MAF: variants seen among roughly 807,000 people sequenced by gnomAD.
MAF encodes the protein MAF bZIP transcription factor.
Under a neutral mutation model 22.0 loss-of-function variants are expected in MAF, and 10 were observed. That is an observed-to-expected ratio of 0.45 (90% confidence interval 0.28 to 0.77). MAF has a LOEUF of 0.77. Ranked by LOEUF, MAF falls within the 30% of genes least tolerant of loss-of-function variation. MAF has a pLI of 0.12. For synonymous variants in MAF, 337 were observed against 255.8 expected (o/e 1.32, Z -3.03); for missense variants, 544 against 548.4 (o/e 0.99, Z 0.08).
chr16:79,448,878 T>TG, the MAF span, among the ~76,000 whole-genome samples: 4 of 152,082 alleles, frequency 2.6e-5, no homozygotes, highest in East Asian at 3.9e-4. Flanking sequence ...TCCCAGACCT[T>TG]GGGGGGAGGC....
the MAF span, among the ~76,000 whole-genome samples, chr16:79,316,558 G>T: frequency 1.3e-5 from 2 of 151,778 alleles, no homozygotes; most frequent in Non-Finnish European, 2.9e-5. Context: ...TTTTTTTTCA[G>T]CATGCAATTA....
the MAF span, among the ~76,000 whole-genome samples, chr16:79,239,385 T>C: frequency 6.6e-6 from 1 of 151,878 alleles, no homozygotes; most frequent in Non-Finnish European, 1.5e-5. Context: ...CCCGGGCAAG[T>C]TGGAATGAGT....
chr16:79,450,837 A>AT, the MAF span, among the ~76,000 whole-genome samples: 136 of 150,324 alleles, frequency 9.0e-4, no homozygotes, highest in African/African-American at 2.2e-3. Context: ...ACATTTTTAC[A>AT]TTTTTTTTTT....
the MAF span, among the ~76,000 whole-genome samples, chr16:79,377,998 C>T: frequency 1.3e-5 from 2 of 152,118 alleles, no homozygotes; most frequent in Non-Finnish European, 1.5e-5. Flanking sequence ...TTAGGATTGA[C>T]TTGGTGATGA....
At chr16:79,513,437 G>T in the MAF span, among the ~76,000 whole-genome samples, 3 of 152,202 alleles carry the variant, frequency 2.0e-5, no homozygotes, top group Non-Finnish European at 4.4e-5. Context: ...GATAATAGAC[G>T]TGCTAACTTC....
the MAF span, among the ~76,000 whole-genome samples, chr16:79,242,917 C>T: frequency 6.6e-6 from 1 of 152,092 alleles, no homozygotes; most frequent in African/African-American, 2.4e-5. Flanking sequence ...CACACAACTA[C>T]ATGGAAACTG....
At chr16:79,286,664 A>T in the MAF span, among the ~76,000 whole-genome samples, 1 of 152,204 alleles carries the variant, frequency 6.6e-6, no homozygotes, top group African/African-American at 2.4e-5. Flanking sequence ...CCTCACATAG[A>T]TACAGAACTT....
chr16:79,466,407 G>T, the MAF span, among the ~76,000 whole-genome samples: 1 of 152,194 alleles, frequency 6.6e-6, no homozygotes, highest in Non-Finnish European at 1.5e-5. Flanking sequence ...TTTCATCTTG[G>T]CAGACTGGTT....
chr16:79,487,109 T>A, the MAF span, among the ~76,000 whole-genome samples: 1 of 152,094 alleles, frequency 6.6e-6, no homozygotes, highest in Non-Finnish European at 1.5e-5. Context: ...TTTATATACT[T>A]TCACAAAGAC....
downstream of MAF, among the ~76,000 whole-genome samples, chr16:79,589,397 G>T (rs1469800983): frequency 6.6e-6 from 1 of 152,062 alleles, no homozygotes; most frequent in East Asian, 1.9e-4. Context: ...ACCGTATCGA[G>T]ATTTCCATAA....
the MAF span, among the ~76,000 whole-genome samples, chr16:79,523,901 T>C: frequency 6.6e-6 from 1 of 152,338 alleles, no homozygotes; most frequent in Admixed American, 6.5e-5. Flanking sequence ...AGAGGGAATC[T>C]GCAAAGTTTA....
the MAF span, among the ~76,000 whole-genome samples, chr16:79,476,381 G>T: frequency 5.9e-5 from 9 of 152,272 alleles, no homozygotes; most frequent in South Asian, 2.1e-4. Context: ...ATGGTGATTT[G>T]CTACACAGCA....
the MAF span, among the ~76,000 whole-genome samples, chr16:79,243,873 CA>C: frequency 1.3e-5 from 2 of 152,070 alleles, no homozygotes; most frequent in African/African-American, 4.8e-5. Flanking sequence ...CAACCACGAT[CA>C]AGTCAGCTTT....
chr16:79,495,196 T>C, the MAF span, among the ~76,000 whole-genome samples: 1 of 152,296 alleles, frequency 6.6e-6, no homozygotes, highest in African/African-American at 2.4e-5. Flanking sequence ...ACTCGGTGGC[T>C]CATGCCTGTA....
At chr16:79,534,164 C>A in the MAF span, among the ~76,000 whole-genome samples, 1 of 152,236 alleles carries the variant, frequency 6.6e-6, no homozygotes, top group South Asian at 2.1e-4. Context: ...TCCAAGGAGA[C>A]TTCTTCCTTA....
At chr16:79,365,689 G>T in the MAF span, among the ~76,000 whole-genome samples, 1 of 152,114 alleles carries the variant, frequency 6.6e-6, no homozygotes, top group African/African-American at 2.4e-5. Context: ...GGCTGAATTG[G>T]CTGAGATCAA....
At chr16:79,383,891 C>G in the MAF span, among the ~76,000 whole-genome samples, 1 of 152,134 alleles carries the variant, frequency 6.6e-6, no homozygotes, top group Non-Finnish European at 1.5e-5. Context: ...TTTGTCAAGT[C>G]CTGTTTTAGA....
At chr16:79,346,330 T>C in the MAF span, among the ~76,000 whole-genome samples, 1 of 152,086 alleles carries the variant, frequency 6.6e-6, no homozygotes, top group Non-Finnish European at 1.5e-5. Flanking sequence ...TCCAGCTTCA[T>C]CCACGTCCCT....
chr16:79,214,703 C>CT, the MAF span, among the ~76,000 whole-genome samples: 15,953 of 42,994 alleles, frequency 0.37, 6,027 homozygotes, highest in Non-Finnish European at 0.51. Context: ...CTGTGCCTGG[C>CT]TTTTTTTTTT....
Sources: gnomAD v4.1 joint callset for allele counts (sites outside exome capture counted in the v4.1 genomes callset) on GRCh38, gnomAD v4.1.1 for gene constraint, MANE v1.5 for transcripts, NCBI Gene and HGNC (gene_info 2026-07-23, HGNC 2026-07-21) for gene names.